The following PSMD9 variants were observed in gnomAD, a reference collection of about 807,000 sequenced individuals.
PSMD9 encodes 26S proteasome non-ATPase regulatory subunit 9.
PSMD9 carries 26 observed loss-of-function variants against 25.9 expected under a neutral mutation model. The ratio of observed to expected loss-of-function variants is 1.00; its 90% CI spans 0.73 to 1.39. PSMD9 has a LOEUF of 1.39. Among genes scored for constraint, PSMD9 ranks in the 40% most tolerant of loss-of-function variants. The pLI, the probability that PSMD9 is intolerant of heterozygous loss-of-function variation, is 0.00. For synonymous variants in PSMD9, 110 were observed against 114.5 expected (o/e 0.96, Z 0.25); for missense variants, 303 against 299.3 (o/e 1.01, Z -0.09).
chr12:121,916,119 G>A lies in PSMD9; in HGVS notation c.645-165G>A. 5.2e-6 allele frequency: 6 copies of A among 1,158,460 alleles called. No individual in the cohort carries two copies. The South Asian group carries it at 6.6e-5, about 13-fold the overall frequency. The allele number at this position is 1,158,460 out of a possible 1,614,324, so 71.8% of individuals were successfully genotyped here. On this transcript the variant is annotated intron_variant, in intron 5 of 5. Transcript: ENST00000541212. ...CGAGACTACAGCTCTAGAAGCAGAG[G>A]GAGCCCCAGAGTCTCTCCTGGGAGT...
chr12:121,889,704 T>C (rs1412304304), intron 1 of PSMD9, among the ~76,000 whole-genome samples: 1 of 152,182 alleles, frequency 6.6e-6, no homozygotes, highest in Non-Finnish European at 1.5e-5. Flanking sequence ...ATCATCCTTA[T>C]TGCATAAGGA....
At chr12:121,904,738 A>G (rs1183992954) in intron 4 of PSMD9, among the ~76,000 whole-genome samples, 1 of 146,234 alleles carries the variant, frequency 6.8e-6, no homozygotes, top group Non-Finnish European at 1.5e-5. Context: ...GCTCACTGCA[A>G]CCTCCGCCTC....
chr12:121,902,838 C>T (rs989018610), intron 3 of PSMD9, 168 bp from the exon 4 acceptor site: 6 of 581,018 alleles, frequency 1.0e-5, no homozygotes, highest in African/African-American at 9.4e-5. Flanking sequence ...CCGTTACCCA[C>T]TGCCCCTTCC....
chr12:121,896,758 C>T (rs891966141), intron 2 of PSMD9, among the ~76,000 whole-genome samples: 1 of 151,342 alleles, frequency 6.6e-6, no homozygotes, highest in Non-Finnish European at 1.5e-5. Flanking sequence ...ATCACTTGAA[C>T]CCAGGAGGCG....
rs1879937616 is a variant in PSMD9, at chr12:121,917,184, C to T, written c.*873C>T. 6.6e-6 allele frequency: 1 copy of T among 152,234 alleles called. No homozygotes were observed. The highest frequency in any genetic ancestry group is 6.6e-5 in the Admixed American group (1 of 15,244). The allele number at this position is 152,234 out of a possible 1,614,324, so 9.4% of individuals were successfully genotyped here. On this transcript the variant is annotated 3_prime_UTR_variant, in exon 6 of 6. Transcript: ENST00000541212. Reference sequence around the variant, plus strand: ...TTATTTTTTGTAGAGACAGGGTCTCCCTGTGTTGACCAGGTTGGTCTCGAA... The same window carrying T: ...TTATTTTTTGTAGAGACAGGGTCTCTCTGTGTTGACCAGGTTGGTCTCGAA...
At chr12:121,894,645 C>T in intron 1 of PSMD9, 94 bp from the exon 2 acceptor site, 2 of 1,077,840 alleles carry the variant, frequency 1.9e-6, no homozygotes, top group Non-Finnish European at 2.8e-6. Context: ...TTACTGTCAC[C>T]TTTATTATGA....
intron 4 of PSMD9, among the ~76,000 whole-genome samples, chr12:121,912,699 T>C (rs916421996): frequency 1.3e-5 from 2 of 151,620 alleles, no homozygotes; most frequent in Admixed American, 1.3e-4. Context: ...AACCTGTCTC[T>C]GGAAAAAAAT....
Position 121,900,493 on chromosome 12 carries a change from C to T in PSMD9, c.453+648C>T, listed in dbSNP as rs888942606. ...ATCACTTGAGGTCAGGAGTTCGAGA[C>T]CAACCTGGCCAACATGGCGAAACCC... On this transcript the variant is annotated intron_variant, in intron 3 of 5. Transcript: ENST00000541212. Among the ~76,000 whole-genome samples the T allele has an allele frequency of 1.3e-4, 19 of 150,826 alleles. 1 individual carries two copies.
intron 1 of PSMD9, 72 bp downstream of exon 1, chr12:121,889,066 G>A: frequency 6.6e-7 from 1 of 1,519,774 alleles, no homozygotes; most frequent in Non-Finnish European, 8.9e-7. Flanking sequence ...GGATGCCAGG[G>A]CGGCCTCAGT....
intron 4 of PSMD9, among the ~76,000 whole-genome samples, chr12:121,910,451 A>G (rs1477626159): frequency 6.6e-6 from 1 of 151,674 alleles, no homozygotes; most frequent in Non-Finnish European, 1.5e-5. Context: ...TTTGTGGTAA[A>G]TATACATAAT....
At chr12:121,890,754 G>T (rs1879047370) in intron 1 of PSMD9, among the ~76,000 whole-genome samples, 1 of 152,152 alleles carries the variant, frequency 6.6e-6, no homozygotes, top group Non-Finnish European at 1.5e-5. Context: ...TTACAGGCAT[G>T]AGCCACAGTG....
At chr12:121,894,670 G>T in intron 1 of PSMD9, 69 bp from the exon 2 acceptor site, 1 of 1,319,032 alleles carries the variant, frequency 7.6e-7, no homozygotes, top group Non-Finnish European at 1.1e-6. Context: ...AGAGGAGAAG[G>T]GTCTGGGGAA....
chr12:121,889,353 C>T (rs1022838966), intron 1 of PSMD9, among the ~76,000 whole-genome samples: 1 of 152,184 alleles, frequency 6.6e-6, no homozygotes, highest in African/African-American at 2.4e-5. Context: ...GATTAAACAG[C>T]TGTCATGTGC....
chr12:121,901,666 C>CTTTTTTTTTTTTTTTTT (rs563939839), intron 3 of PSMD9, among the ~76,000 whole-genome samples: 28 of 93,604 alleles, frequency 3.0e-4, no homozygotes, highest in East Asian at 5.9e-4. Context: ...TTCATTCCTT[C>CTTTTTTTTTTTTTTTTT]TTTTTTTTTT....
intron 3 of PSMD9, among the ~76,000 whole-genome samples, chr12:121,901,577 ACTC>A (rs1879397215): frequency 6.9e-6 from 1 of 145,572 alleles, no homozygotes; most frequent in Admixed American, 6.9e-5. Context: ...CTGGTCTTGA[ACTC>A]CTGGCCTCAA....
At position 121,901,666 on chromosome 12, in the gene PSMD9, C is replaced by CTTTTTTTTTTTTTTT. The variant is rs563939839; in HGVS notation, c.454-1327_454-1313dup. 1.5e-3 allele frequency among the ~76,000 whole-genome samples: 138 copies of CTTTTTTTTTTTTTTT among 93,600 alleles called. 10 individuals carry two copies. Among genetic ancestry groups the CTTTTTTTTTTTTTTT allele is most frequent in the African/African-American group, 3.2e-3 (54 of 16,982 alleles). 61.4% of individuals were successfully genotyped at this position (93,600 alleles called of 152,430 possible). On this transcript the variant is annotated intron_variant, in intron 3 of 5. Transcript: ENST00000541212. ...TGTCATGCCTGGCCCTTCATTCCTT[C>CTTTTTTTTTTTTTTT]TTTTTTTTTTTTTTTTTTTTTTTTT...
rs1223156145 is a variant in PSMD9 at position 121,917,889 on chromosome 12, G to A, written c.*1578G>A. 1 of 152,144 alleles carries A rather than the reference G, an allele frequency of 6.6e-6. No homozygotes were observed. The highest frequency in any genetic ancestry group is 1.5e-5 in the Non-Finnish European group (1 of 68,034). The allele number at this position is 152,144 out of a possible 1,614,324, so 9.4% of individuals were successfully genotyped here. A position where few individuals can be genotyped will look rare whatever the true frequency, so the allele number is the denominator to read the frequency against. The stretch of plus-strand genomic sequence containing the variant: ...TATCCTTTCTTTTTTATTTTAAGAT[G>A]TATGCATATTAATCAATTTACCATC... On this transcript the variant is annotated 3_prime_UTR_variant, in exon 6 of 6. Transcript: ENST00000541212.
chr12:121,915,647 G>T (rs2135734814), intron 4 of PSMD9: 1 of 534,528 alleles, frequency 1.9e-6, no homozygotes, highest in East Asian at 3.0e-5. Context: ...TGGGACACGT[G>T]TTTTTTGAGG....
chr12:121,904,523 G>A (rs1192611793), intron 4 of PSMD9, among the ~76,000 whole-genome samples: 1 of 150,734 alleles, frequency 6.6e-6, no homozygotes, highest in East Asian at 2.0e-4. Context: ...GCAGTGAGCC[G>A]AGATCGCGCC....
Sources: allele counts gnomAD v4.1 joint callset (sites outside exome capture counted in the v4.1 genomes callset), GRCh38; gene constraint gnomAD v4.1.1; transcripts MANE v1.5; gene names NCBI Gene and HGNC (gene_info 2026-07-23, HGNC 2026-07-21).